PDE1C: variants seen among roughly 807,000 people sequenced by gnomAD.
The protein encoded by PDE1C is dual specificity calcium/calmodulin-dependent 3',5'-cyclic nucleotide phosphodiesterase 1C.
A neutral mutation model predicts 93.1 loss-of-function variants in PDE1C; 62 were observed. The ratio of observed to expected loss-of-function variants is 0.67; its 90% confidence interval spans 0.54 to 0.82. The LOEUF (loss-of-function observed/expected upper bound fraction) is 0.82. Among genes scored for constraint, PDE1C ranks in the 40% least tolerant of loss-of-function variants. The pLI is 0.00. For synonymous variants in PDE1C, 325 were observed against 310.1 expected, an observed-to-expected ratio of 1.05 and a Z score of -0.50; for missense variants, 742 against 884.6, an observed-to-expected ratio of 0.84 and a Z score of 2.04.
chr7:31,779,930 G>A (rs1329775729), intron 16 of PDE1C, among the ~76,000 whole-genome samples: 1 of 152,138 alleles, frequency 6.6e-6, no homozygotes, highest in African/African-American at 2.4e-5. Flanking sequence ...CAGAAACCAG[G>A]TGGGAACAGC....
At chr7:32,347,862 G>A (rs746558467) in intron 1 of PDE1C, among the ~76,000 whole-genome samples, 1 of 152,200 alleles carries the variant, frequency 6.6e-6, no homozygotes, top group Non-Finnish European at 1.5e-5. Flanking sequence ...AGTTTCATGA[G>A]ACCCTCAGCA....
intron 2 of PDE1C, among the ~76,000 whole-genome samples, chr7:31,991,013 A>G (rs1442283683): frequency 6.6e-6 from 1 of 152,230 alleles, no homozygotes; most frequent in East Asian, 1.9e-4. Flanking sequence ...TTACTTGACT[A>G]ATAAAGACAG....
chr7:31,677,549 AT>A, the PDE1C span, among the ~76,000 whole-genome samples: 9 of 152,102 alleles, frequency 5.9e-5, 1 homozygote, highest in African/African-American at 1.2e-4. Flanking sequence ...GAAAGATCAT[AT>A]TTTTTTTCTC....
intron 1 of PDE1C, among the ~76,000 whole-genome samples, chr7:32,410,707 T>C (rs1182099554): frequency 1.3e-5 from 2 of 152,160 alleles, no homozygotes; most frequent in East Asian, 3.9e-4. Context: ...AGAGCATTTC[T>C]TCCCTGCTCC....
intron 1 of PDE1C, among the ~76,000 whole-genome samples, chr7:32,059,199 C>T (rs1449436305): frequency 6.6e-6 from 1 of 152,150 alleles, no homozygotes; most frequent in Non-Finnish European, 1.5e-5. Flanking sequence ...GGATCAAATT[C>T]ACATGAAGGA....
chr7:31,994,056 T>C (rs1458814140), intron 2 of PDE1C, among the ~76,000 whole-genome samples: 2 of 152,054 alleles, frequency 1.3e-5, no homozygotes, highest in Non-Finnish European at 2.9e-5. Flanking sequence ...GTCTAATATA[T>C]AAGTCCCATT....
At chr7:31,947,276 A>T (rs1319665553) in intron 2 of PDE1C, among the ~76,000 whole-genome samples, 1 of 152,214 alleles carries the variant, frequency 6.6e-6, no homozygotes, top group Non-Finnish European at 1.5e-5. Context: ...AGAGTAATCC[A>T]CTTTACTCAA....
the PDE1C span, among the ~76,000 whole-genome samples, chr7:31,655,367 A>AG: frequency 3.3e-5 from 5 of 152,152 alleles, no homozygotes; most frequent in African/African-American, 1.2e-4. Context: ...AAGTTTCCTC[A>AG]GAACGAATTA....
the PDE1C span, chr7:31,651,124 C>T: frequency 2.5e-6 from 4 of 1,608,086 alleles, no homozygotes; most frequent in Non-Finnish European, 2.5e-6. Context: ...CTTCTCAGTT[C>T]TTTCTCATTG....
intron 1 of PDE1C, among the ~76,000 whole-genome samples, chr7:32,249,980 AAGAG>A (rs1012536089): frequency 3.9e-5 from 6 of 152,224 alleles, no homozygotes; most frequent in African/African-American, 9.6e-5. Context: ...AATTATATAA[AAGAG>A]AGAAAAATTC....
At chr7:31,746,740 A>G (rs899301759), downstream of PDE1C, among the ~76,000 whole-genome samples, 2 of 152,188 alleles carry the variant, frequency 1.3e-5, no homozygotes, top group Non-Finnish European at 2.9e-5. Context: ...AGAGTCAGAT[A>G]TCCACAGAAG....
At chr7:32,139,238 T>C (rs961647019) in intron 3 of PDE1C, among the ~76,000 whole-genome samples, 2 of 150,032 alleles carry the variant, frequency 1.3e-5, no homozygotes, top group African/African-American at 4.9e-5. Flanking sequence ...TGGGCTCAAG[T>C]GATCCTCCCG....
chr7:32,376,904 G>A (rs958203354), intron 1 of PDE1C, among the ~76,000 whole-genome samples: 1 of 152,062 alleles, frequency 6.6e-6, no homozygotes. Context: ...AGCCAGGATG[G>A]TCTCGATCTC....
Position 31,880,839 on chromosome 7 carries a change from T to G in PDE1C, c.150A>C (p.Gln50His). 1 of 1,608,560 alleles carries G rather than the reference T, an allele frequency of 6.2e-7. No homozygotes were observed. The highest frequency in any genetic ancestry group is 8.5e-7 in the Non-Finnish European group (1 of 1,175,204). Residue 50 changes from glutamine (Q) to histidine (H), a missense_variant, in exon 3 of 18, where the codon CAA (glutamine) becomes CAC (histidine). By Grantham distance (24) the Gln-to-His change is conservative. This residue lies in a region of PDE1C where 74 missense variants were observed against 88.2 expected (regional missense o/e 0.84). Transcript: ENST00000396191. ...CCACTGAAGCTTCCCCTCTCTCTAA[T>G]TGTTTGACCAAAGACCGTAATCTAG... ...TSQRLRSLVK[Q>H]LERGEASVVD...
chr7:32,241,777 C>A (rs1808563224), intron 1 of PDE1C, among the ~76,000 whole-genome samples: 1 of 152,062 alleles, frequency 6.6e-6, no homozygotes, highest in African/African-American at 2.4e-5. Context: ...AAGATAGGAT[C>A]CATTTCACCA....
At chr7:32,066,639 T>C (rs1795441845) in intron 1 of PDE1C, among the ~76,000 whole-genome samples, 6 of 152,134 alleles carry the variant, frequency 3.9e-5, no homozygotes, top group Admixed American at 3.9e-4. Flanking sequence ...CATAACCCAA[T>C]TGCTCAAACC....
chr7:31,650,716 T>A, the PDE1C span, among the ~76,000 whole-genome samples: 1 of 152,190 alleles, frequency 6.6e-6, no homozygotes, highest in South Asian at 2.1e-4. Context: ...ACATACCAGC[T>A]GAACAGATGT....
At chr7:32,319,540 C>T (rs956392715) in intron 1 of PDE1C, among the ~76,000 whole-genome samples, 6 of 152,226 alleles carry the variant, frequency 3.9e-5, no homozygotes, top group African/African-American at 1.2e-4. Flanking sequence ...ATCCTGAGGG[C>T]CATGGTCTAG....
chr7:32,092,607 T>C (rs1049236309), intron 3 of PDE1C, among the ~76,000 whole-genome samples: 12 of 152,132 alleles, frequency 7.9e-5, no homozygotes, highest in Non-Finnish European at 1.3e-4. Context: ...CCCTTCCAGA[T>C]CCCACTGCTC....
Sources: allele counts gnomAD v4.1 joint callset (sites outside exome capture counted in the v4.1 genomes callset), GRCh38; gene constraint gnomAD v4.1.1; regional missense constraint gnomAD v4.1.1; transcripts MANE v1.5; gene names NCBI Gene and HGNC (gene_info 2026-07-23, HGNC 2026-07-21).